Variants in IMMP2L observed in about 807,000 individuals in gnomAD.
IMMP2L encodes the protein mitochondrial inner membrane protease subunit 2.
Under a neutral mutation model 19.3 loss-of-function variants are expected in IMMP2L, and 18 were observed. The ratio of observed to expected loss-of-function variants is 0.93; its 90% confidence interval spans 0.64 to 1.38. The LOEUF (loss-of-function observed/expected upper bound fraction) is 1.38, where lower values mean the gene tolerates loss of function less well. IMMP2L is among the 40% of genes most tolerant of loss of function. The probability of loss-of-function intolerance (pLI) is 0.00; values close to 1 mark genes in which losing one functional copy is unlikely to be tolerated. For synonymous variants in IMMP2L, 76 were observed against 73.0 expected, an observed-to-expected ratio of 1.04 and a Z score of -0.21; for missense variants, 233 against 218.2, an observed-to-expected ratio of 1.07 and a Z score of -0.43.
At position 110,760,347 on chromosome 7, in the gene IMMP2L, C is replaced by T. The variant is rs1324584473; in HGVS notation, c.409-96626G>A. On this transcript the variant is annotated intron_variant, in intron 5 of 5. Coordinates refer to ENST00000405709, the MANE Select transcript of IMMP2L (RefSeq NM_032549.4). This position sits in a 1 kb window ranked among gnomAD's most constrained non-coding sequence, Gnocchi z 4.2. ...TAATAGAGATAATCTGTATAGTGTT[C>T]AGGAAACTACAATAATTCAGCAATA... Among the ~76,000 whole-genome samples, 1 of 152,056 alleles carries T rather than the reference C, an allele frequency of 6.6e-6. No homozygotes were observed. The highest frequency in any genetic ancestry group is 2.4e-5 in the African/African-American group (1 of 41,422).
intron 3 of IMMP2L, among the ~76,000 whole-genome samples, chr7:111,209,291 C>T (rs1035675225): frequency 7.4e-5 from 11 of 149,326 alleles, no homozygotes; most frequent in African/African-American, 2.2e-4. Flanking sequence ...CAGCTACTTG[C>T]GAGGCTGAGG....
chr7:110,752,249 T>A (rs913969960), intron 5 of IMMP2L, among the ~76,000 whole-genome samples: 2 of 152,042 alleles, frequency 1.3e-5, no homozygotes. Context: ...TTATTACTGA[T>A]GGTAATTACA....
At chr7:111,533,789 G>C (rs1427230025) in intron 1 of IMMP2L, among the ~76,000 whole-genome samples, 2 of 151,978 alleles carry the variant, frequency 1.3e-5, no homozygotes, top group Non-Finnish European at 2.9e-5. Flanking sequence ...TTTAAGGGTA[G>C]AAAGAGGTCT....
chr7:110,809,754 T>G lies in IMMP2L; in HGVS notation c.408+76839A>C, dbSNP rs188342005. The stretch of plus-strand genomic sequence containing the variant: ...TTCTCTAACAGGGCAACTATCTGTT[T>G]CATCAGTTGGATACTTCATGAGTTT... On this transcript the variant is annotated intron_variant, in intron 5 of 5. Transcript: ENST00000405709. 1.1e-3 allele frequency among the ~76,000 whole-genome samples: 162 copies of G among 152,178 alleles called. 5 individuals carry two copies. The East Asian group carries it at 0.025, about 24-fold the overall frequency.
chr7:110,713,743 A>G (rs1408698479), intron 5 of IMMP2L, among the ~76,000 whole-genome samples: 1 of 151,710 alleles, frequency 6.6e-6, no homozygotes, highest in Non-Finnish European at 1.5e-5. Flanking sequence ...CTCAGCTTGA[A>G]TATTACTGGT....
chr7:110,895,358 T>C (rs769415113), intron 4 of IMMP2L, among the ~76,000 whole-genome samples: 3 of 152,208 alleles, frequency 2.0e-5, no homozygotes, highest in Non-Finnish European at 4.4e-5. Flanking sequence ...CCTATATGGA[T>C]GAGTCTTTTT....
chr7:110,943,096 C>T (rs1429255030), intron 4 of IMMP2L, among the ~76,000 whole-genome samples: 1 of 151,990 alleles, frequency 6.6e-6, no homozygotes, highest in Non-Finnish European at 1.5e-5. Context: ...AGTTCAGGAT[C>T]ACTAGCTAAG....
At chr7:111,539,236 AAGAAAGAAAG>A (rs1268878773) in intron 1 of IMMP2L, among the ~76,000 whole-genome samples, 1 of 128,346 alleles carries the variant, frequency 7.8e-6, no homozygotes, top group East Asian at 2.1e-4. Flanking sequence ...GAAAGAAAGA[AAGAAAGAAAG>A]AAAGAAAGAA....
At chr7:110,676,825 C>A (rs1337084209) in intron 5 of IMMP2L, among the ~76,000 whole-genome samples, 1 of 152,178 alleles carries the variant, frequency 6.6e-6, no homozygotes, top group Non-Finnish European at 1.5e-5. Flanking sequence ...ACTGCACTGA[C>A]AACATGCCCC....
chr7:110,918,628 G>C (rs1476006934), intron 4 of IMMP2L, among the ~76,000 whole-genome samples: 3 of 151,490 alleles, frequency 2.0e-5, no homozygotes, highest in African/African-American at 7.3e-5. Flanking sequence ...GCTAATTTTT[G>C]TATTTTTAGT....
At chr7:110,847,295 A>C (rs1180514302) in intron 5 of IMMP2L, among the ~76,000 whole-genome samples, 1 of 152,288 alleles carries the variant, frequency 6.6e-6, no homozygotes, top group East Asian at 1.9e-4. Flanking sequence ...ATGGATAAGG[A>C]AAAAAAGTAG....
rs1216554283 is a variant in IMMP2L at position 111,252,064 on chromosome 7, A to T, written c.239+235174T>A. ...AAAAGAAACAGATTTTGCTTTAACC[A>T]AGTAAAAAGAAAGCATTTCTCTGAA... On this transcript the variant is annotated intron_variant, in intron 3 of 5. Coordinates refer to ENST00000405709, the MANE Select transcript of IMMP2L (RefSeq NM_032549.4). Among the ~76,000 whole-genome samples, 9 of 152,078 alleles carry T rather than the reference A, an allele frequency of 5.9e-5. No homozygotes were observed. The East Asian group carries it at 1.7e-3, about 29-fold the overall frequency.
chr7:111,532,667 A>G (rs564167515), intron 1 of IMMP2L: 1 of 152,304 alleles, frequency 6.6e-6, no homozygotes, highest in African/African-American at 2.4e-5. Context: ...GCAAACTTAT[A>G]GCTAGCCCAG....
At chr7:111,094,357 T>C (rs1797183562) in intron 3 of IMMP2L, among the ~76,000 whole-genome samples, 2 of 152,056 alleles carry the variant, frequency 1.3e-5, no homozygotes, top group African/African-American at 2.4e-5. Context: ...AGAAAGCTAA[T>C]AGTAGACTAA....
intron 3 of IMMP2L, among the ~76,000 whole-genome samples, chr7:111,374,691 A>T (rs1423823421): frequency 6.6e-6 from 1 of 152,108 alleles, no homozygotes; most frequent in Non-Finnish European, 1.5e-5. Context: ...TTTGGCCTTA[A>T]ATCAAAAGCT....
chr7:111,446,331 T>C (rs1362048153), intron 3 of IMMP2L, among the ~76,000 whole-genome samples: 3 of 143,730 alleles, frequency 2.1e-5, no homozygotes, highest in Admixed American at 2.0e-4. Context: ...AAGAGAGCAG[T>C]GGTTCTCCCA....
At chr7:111,020,086 TA>T (rs57238777) in intron 3 of IMMP2L, among the ~76,000 whole-genome samples, 2,316 of 140,024 alleles carry the variant, frequency 0.017, 47 homozygotes, top group African/African-American at 0.05. Context: ...ATACAACAAT[TA>T]AAAAAAAAAA....
Position 111,029,079 on chromosome 7 carries a change from A to C in IMMP2L, c.240-65514T>G, listed in dbSNP as rs10233434. On this transcript the variant is annotated intron_variant, in intron 3 of 5. Coordinates refer to ENST00000405709, the MANE Select transcript of IMMP2L (RefSeq NM_032549.4). ...TATCCAGACATGACTAATGGGAACA[A>C]ATATGATTCTTCTAAGTAGTTATAA... Among the ~76,000 whole-genome samples the C allele has an allele frequency of 9.8e-3, 1,495 of 152,294 alleles. 23 individuals are homozygous for C. Among genetic ancestry groups the C allele is most frequent in the African/African-American group, 0.033 (1,382 of 41,572 alleles).
intron 3 of IMMP2L, among the ~76,000 whole-genome samples, chr7:111,472,077 T>C (rs538854329): frequency 6.6e-6 from 1 of 152,232 alleles, no homozygotes; most frequent in African/African-American, 2.4e-5. Context: ...AATCTTAAAA[T>C]CATAATCTCC....
Sources: gnomAD v4.1 joint callset for allele counts (sites outside exome capture counted in the v4.1 genomes callset) on GRCh38, gnomAD v4.1.1 for gene constraint, Gnocchi (gnomAD v3.1) non-coding constraint, MANE v1.5 for transcripts, NCBI Gene and HGNC (gene_info 2026-07-23, HGNC 2026-07-21) for gene names.